KCTD8: variants seen among roughly 807,000 people sequenced by gnomAD.
The protein encoded by KCTD8 is BTB/POZ domain-containing protein KCTD8.
In KCTD8, 27 loss-of-function variants were observed where a neutral mutation model predicts 31.5. That is an observed-to-expected ratio of 0.86 (90% CI 0.63 to 1.18). The LOEUF is 1.18. KCTD8 is among the 50% of genes most tolerant of loss of function. KCTD8 has a pLI of 0.00. For missense variants in KCTD8, 658 were observed against 647.7 expected (o/e 1.02, Z -0.17); for synonymous variants, 290 against 280.0 (o/e 1.04, Z -0.36).
At chr4:44,197,449 A>G (rs950152358) in intron 1 of KCTD8, among the ~76,000 whole-genome samples, 3 of 152,314 alleles carry the variant, frequency 2.0e-5, no homozygotes, top group Admixed American at 1.3e-4. Context: ...CTCTCCCCCA[A>G]CCACCGAGTA....
rs758530942 is a variant in KCTD8 at position 44,418,614 on chromosome 4, A to T, written c.961+28949T>A. Among the ~76,000 whole-genome samples the T allele has an allele frequency of 2.3e-4, 35 of 152,328 alleles. 1 individual carries two copies. The highest frequency in any genetic ancestry group is 7.0e-4 in the African/African-American group (29 of 41,576). On this transcript the variant is annotated intron_variant, in intron 1 of 1. Transcript: ENST00000360029. ...AAATAGAGAAGAAAGAAAAAATTTT[A>T]AAAAATCTTGCTGAGCAAATACTAC...
intron 1 of KCTD8, among the ~76,000 whole-genome samples, chr4:44,262,142 A>T (rs1333825166): frequency 6.6e-6 from 1 of 152,100 alleles, no homozygotes; most frequent in Non-Finnish European, 1.5e-5. Flanking sequence ...CAAGATTAAC[A>T]TATGAACAAT....
intron 1 of KCTD8, among the ~76,000 whole-genome samples, chr4:44,291,364 T>C (rs12649633): frequency 0.27 from 40,647 of 151,792 alleles, 5,825 homozygotes; most frequent in East Asian, 0.39. Context: ...TTCCAAAAAA[T>C]TGTCAAAAAT....
intron 1 of KCTD8, among the ~76,000 whole-genome samples, chr4:44,271,718 A>G (rs1282518529): frequency 6.6e-6 from 1 of 152,160 alleles, no homozygotes; most frequent in Non-Finnish European, 1.5e-5. Flanking sequence ...GCATATAACT[A>G]GCCAGAGCCC....
intron 1 of KCTD8, among the ~76,000 whole-genome samples, chr4:44,283,726 C>T (rs890690128): frequency 1.3e-5 from 2 of 152,058 alleles, no homozygotes; most frequent in African/African-American, 2.4e-5. Flanking sequence ...ATTTAGAAAA[C>T]TCCATCGTCT....
intron 1 of KCTD8, among the ~76,000 whole-genome samples, chr4:44,324,068 C>CAAAAA (rs1193748312): frequency 1.6e-5 from 2 of 128,266 alleles, no homozygotes; most frequent in African/African-American, 3.2e-5. Context: ...CAAAACAAAA[C>CAAAAA]AAAACAAAAA....
intron 1 of KCTD8, among the ~76,000 whole-genome samples, chr4:44,239,110 C>T (rs929041339): frequency 3.3e-5 from 5 of 152,160 alleles, no homozygotes; most frequent in Non-Finnish European, 4.4e-5. Context: ...CCTGCTCTGT[C>T]CCTTCACTAG....
intron 1 of KCTD8, among the ~76,000 whole-genome samples, chr4:44,310,805 A>G (rs1418146809): frequency 1.3e-5 from 2 of 152,160 alleles, no homozygotes; most frequent in Non-Finnish European, 2.9e-5. Context: ...AGTCTATGGT[A>G]TAAGAAATCT....
intron 1 of KCTD8, among the ~76,000 whole-genome samples, chr4:44,349,065 G>GCCACCGCCA (rs1428460610): frequency 9.3e-6 from 1 of 107,828 alleles, no homozygotes; most frequent in Admixed American, 8.9e-5. Flanking sequence ...CACCATCGCT[G>GCCACCGCCA]CCACCGCCAC....
At chr4:44,432,206 C>T (rs1158695866) in intron 1 of KCTD8, among the ~76,000 whole-genome samples, 1 of 151,160 alleles carries the variant, frequency 6.6e-6, no homozygotes, top group East Asian at 1.9e-4. Context: ...AAATAAAAAG[C>T]TGCAACTAAA....
In KCTD8 at chr4:44,175,023, G is replaced by C. The variant is rs904323105; in HGVS notation, c.1189C>G (p.Pro397Ala). The change falls in exon 2 of 2, where the codon CCT becomes GCT. Residue 397 changes from proline (P) to alanine (A), a missense_variant. Pro to Ala is a conservative substitution (Grantham distance 27). Coordinates refer to ENST00000360029, the MANE Select transcript of KCTD8 (RefSeq NM_198353.3). Reference protein sequence around the residue: ...LTLDRPSKKAPVQWIPPPDKR... With the variant: ...LTLDRPSKKAAVQWIPPPDKR... Reference sequence around the variant, plus strand: ...TCTGGTGGGGGTATCCATTGTACAGGTGCTTTTTTAGAGGGGCGATCCAAT... The same window carrying C: ...TCTGGTGGGGGTATCCATTGTACAGCTGCTTTTTTAGAGGGGCGATCCAAT... 3 of 1,613,896 alleles carry C rather than the reference G, an allele frequency of 1.9e-6. No homozygotes were observed. Among genetic ancestry groups the C allele is most frequent in the East Asian group, 2.2e-5 (1 of 44,866 alleles).
rs888019644 is a variant in KCTD8 at position 44,253,699 on chromosome 4, T to G, written c.962-78449A>C. On this transcript the variant is annotated intron_variant, in intron 1 of 1. Transcript: ENST00000360029. ...CCAAATGTCCATGTGGCTTTTTTAG[T>G]CCTAGCTGTCCTCTGATCGCAGACA... Among the ~76,000 whole-genome samples the G allele has an allele frequency of 3.3e-5, 5 of 151,858 alleles. No homozygotes were observed. In the South Asian group the frequency reaches 6.2e-4, roughly 19 times the overall value.
intron 1 of KCTD8, among the ~76,000 whole-genome samples, chr4:44,380,417 CAAA>C (rs201741352): frequency 1.0e-5 from 1 of 96,616 alleles, no homozygotes; most frequent in Admixed American, 1.1e-4. Flanking sequence ...GACTCCATCT[CAAA>C]AAAAAAAAAA....
chr4:44,374,658 A>G (rs1719873450), intron 1 of KCTD8, among the ~76,000 whole-genome samples: 1 of 152,106 alleles, frequency 6.6e-6, no homozygotes, highest in South Asian at 2.1e-4. Context: ...TTTCACTTGA[A>G]CACTTAAAGG....
intron 1 of KCTD8, among the ~76,000 whole-genome samples, chr4:44,262,506 A>G (rs1233262913): frequency 1.3e-5 from 2 of 152,118 alleles, no homozygotes; most frequent in African/African-American, 4.8e-5. Context: ...TATTCTTCGT[A>G]TAAGTCACCT....
chr4:44,345,743 T>A (rs1719020181), intron 1 of KCTD8, among the ~76,000 whole-genome samples: 1 of 152,182 alleles, frequency 6.6e-6, no homozygotes, highest in Non-Finnish European at 1.5e-5. Flanking sequence ...TGCTTGTTTG[T>A]TTGGAATCAA....
intron 1 of KCTD8, among the ~76,000 whole-genome samples, chr4:44,310,549 C>T (rs1458781483): frequency 3.9e-5 from 6 of 152,186 alleles, no homozygotes; most frequent in African/African-American, 1.4e-4. Flanking sequence ...AAAGAAACTA[C>T]TTCAAGATCA....
At chr4:44,264,209 G>A (rs890362520) in intron 1 of KCTD8, among the ~76,000 whole-genome samples, 4 of 152,102 alleles carry the variant, frequency 2.6e-5, no homozygotes, top group Non-Finnish European at 5.9e-5. Context: ...ACCTCTTCCT[G>A]TAATCTTTAA....
intron 1 of KCTD8, among the ~76,000 whole-genome samples, chr4:44,296,593 C>T (rs1215576874): frequency 1.3e-5 from 2 of 151,894 alleles, no homozygotes; most frequent in East Asian, 1.9e-4. Context: ...ACTGAAACAC[C>T]AATATAATTA....
Sources: gnomAD v4.1 joint callset for allele counts (sites outside exome capture counted in the v4.1 genomes callset) on GRCh38, gnomAD v4.1.1 for gene constraint, MANE v1.5 for transcripts, NCBI Gene and HGNC (gene_info 2026-07-23, HGNC 2026-07-21) for gene names.